Variants in ADK observed in about 807,000 individuals in gnomAD.
The protein encoded by ADK is adenosine kinase.
Under a neutral mutation model 44.7 loss-of-function variants are expected in ADK, and 24 were observed. The ratio of observed to expected loss-of-function variants is 0.54; its 90% CI spans 0.39 to 0.76. ADK has a LOEUF of 0.76. Among genes scored for constraint, ADK ranks in the 30% least tolerant of loss-of-function variants. The pLI is 0.00. For missense variants in ADK, 321 were observed against 425.1 expected (o/e 0.76, Z 2.15); for synonymous variants, 128 against 142.6 (o/e 0.90, Z 0.73).
chr10:74,440,079 T>A (rs1303654822), intron 6 of ADK, among the ~76,000 whole-genome samples: 1 of 152,062 alleles, frequency 6.6e-6, no homozygotes, highest in Non-Finnish European at 1.5e-5. Flanking sequence ...ATTTTTCCTA[T>A]CCCTATTTCC....
At chr10:74,672,592 G>A (rs1855230039) in intron 10 of ADK, among the ~76,000 whole-genome samples, 1 of 152,066 alleles carries the variant, frequency 6.6e-6, no homozygotes, top group South Asian at 2.1e-4. Context: ...CAGTTCCCAG[G>A]GTAATCAGAT....
chr10:74,587,735 C>T lies in ADK; in HGVS notation c.727-1547C>T, dbSNP rs541353865. ...TGTAGAGACTCTTGACAGTTGTCTG[C>T]AGTTTTTTTTTTTTTTCATTTTCAA... On this transcript the variant is annotated intron_variant, in intron 7 of 10. Transcript: ENST00000539909. 2.7e-3 allele frequency among the ~76,000 whole-genome samples: 408 copies of T among 149,220 alleles called. 1 individual carries two copies. Among genetic ancestry groups the T allele is most frequent in the African/African-American group, 9.2e-3 (375 of 40,834 alleles).
At chr10:74,480,639 C>G (rs2133349215) in intron 6 of ADK, among the ~76,000 whole-genome samples, 1 of 152,072 alleles carries the variant, frequency 6.6e-6, no homozygotes, top group African/African-American at 2.4e-5. Flanking sequence ...TATCTTTTTG[C>G]CTGTAGGCCT....
intron 3 of ADK, among the ~76,000 whole-genome samples, chr10:74,274,931 G>A (rs1047682215): frequency 6.6e-6 from 1 of 151,446 alleles, no homozygotes; most frequent in Non-Finnish European, 1.5e-5. Flanking sequence ...AGAGAACTGA[G>A]TGCAGTACAG....
At chr10:74,374,598 T>C (rs1842763608) in intron 4 of ADK, among the ~76,000 whole-genome samples, 1 of 152,160 alleles carries the variant, frequency 6.6e-6, no homozygotes, top group Admixed American at 6.5e-5. Flanking sequence ...TGTTGCCTAA[T>C]TATCTTTCTG....
chr10:74,450,685 T>G (rs1028292923), intron 6 of ADK, among the ~76,000 whole-genome samples: 6 of 152,214 alleles, frequency 3.9e-5, no homozygotes, highest in African/African-American at 1.4e-4. Context: ...TTAAAATCTT[T>G]ATAAAAATTC....
chr10:74,292,947 A>C (rs1839673504), intron 3 of ADK, among the ~76,000 whole-genome samples: 1 of 152,096 alleles, frequency 6.6e-6, no homozygotes, highest in South Asian at 2.1e-4. Flanking sequence ...CACTCTAATA[A>C]AAATGAGAAA....
chr10:74,227,877 G>T (rs917659317), intron 3 of ADK, among the ~76,000 whole-genome samples: 1 of 151,908 alleles, frequency 6.6e-6, no homozygotes, highest in African/African-American at 2.4e-5. Flanking sequence ...TGATGAGGTG[G>T]TGTGTGCCTG....
chr10:74,457,892 A>G (rs1846013503), intron 6 of ADK, among the ~76,000 whole-genome samples: 1 of 152,164 alleles, frequency 6.6e-6, no homozygotes, highest in Non-Finnish European at 1.5e-5. Context: ...GGTGAGAGAT[A>G]GCATTAGGAG....
chr10:74,385,734 A>T (rs371605471), intron 4 of ADK, among the ~76,000 whole-genome samples: 1 of 152,144 alleles, frequency 6.6e-6, no homozygotes, highest in South Asian at 2.1e-4. Flanking sequence ...CATCACAATA[A>T]TTCCACAAGA....
At chr10:74,393,837 A>T (rs1192017995) in intron 4 of ADK, among the ~76,000 whole-genome samples, 3 of 152,168 alleles carry the variant, frequency 2.0e-5, no homozygotes, top group African/African-American at 7.2e-5. Context: ...GACTTCTTAT[A>T]TTGGGACCCA....
intron 9 of ADK, among the ~76,000 whole-genome samples, chr10:74,617,432 T>C (rs1852811455): frequency 1.3e-5 from 2 of 152,354 alleles, no homozygotes; most frequent in South Asian, 4.1e-4. Context: ...CATCAGATAA[T>C]GTTTTTGCAT....
chr10:74,318,537 A>T (rs1840705822), intron 4 of ADK, among the ~76,000 whole-genome samples: 1 of 152,240 alleles, frequency 6.6e-6, no homozygotes, highest in African/African-American at 2.4e-5. Flanking sequence ...CAATGAGGTT[A>T]AATAAAACTT....
At chr10:74,618,415 T>A (rs1200214441) in intron 9 of ADK, among the ~76,000 whole-genome samples, 1 of 152,148 alleles carries the variant, frequency 6.6e-6, no homozygotes, top group Non-Finnish European at 1.5e-5. Flanking sequence ...CTCAGCCTCC[T>A]GAGTAGCTGG....
At chr10:74,509,450 C>G (rs1848217157) in intron 6 of ADK, 1 of 152,312 alleles carries the variant, frequency 6.6e-6, no homozygotes, top group Admixed American at 6.5e-5. Context: ...CTCAGCCTCC[C>G]AAAGTGCTGG....
chr10:74,303,203 A>G (rs967849311), intron 3 of ADK, among the ~76,000 whole-genome samples: 3 of 152,228 alleles, frequency 2.0e-5, no homozygotes, highest in Non-Finnish European at 4.4e-5. Flanking sequence ...CAAAAGGATT[A>G]TTGACACTTA....
chr10:74,420,854 A>C (rs1345752272), intron 6 of ADK, among the ~76,000 whole-genome samples: 1 of 152,056 alleles, frequency 6.6e-6, no homozygotes, highest in Non-Finnish European at 1.5e-5. Flanking sequence ...TTAATTTTTC[A>C]GTTATTTCAG....
At chr10:74,188,807 C>G (rs932657182) in intron 1 of ADK, among the ~76,000 whole-genome samples, 2 of 149,314 alleles carry the variant, frequency 1.3e-5, no homozygotes, top group Non-Finnish European at 3.0e-5. Flanking sequence ...GAGTCTTGCT[C>G]TGTTGCCCAG....
At position 74,446,232 on chromosome 10, in the gene ADK, T is replaced by C. The variant is rs563692471; in HGVS notation, c.555+47653T>C. ...GGAGAGGGGGCAATCTTGTCACTAA[T>C]TGTGTAACCCTTGTTTAATTTACTC... On this transcript the variant is annotated intron_variant, in intron 6 of 10. Coordinates refer to ENST00000539909, the MANE Select transcript of ADK (RefSeq NM_006721.4). 2.0e-5 allele frequency among the ~76,000 whole-genome samples: 3 copies of C among 152,220 alleles called. No homozygotes were observed. In the East Asian group the frequency reaches 5.8e-4, roughly 29 times the overall value.
Sources: allele counts gnomAD v4.1 joint callset (sites outside exome capture counted in the v4.1 genomes callset), GRCh38; gene constraint gnomAD v4.1.1; transcripts MANE v1.5; gene names NCBI Gene and HGNC (gene_info 2026-07-23, HGNC 2026-07-21).